The following DAB1 variants were observed in gnomAD, a reference collection of about 807,000 sequenced individuals.
DAB1 encodes disabled homolog 1.
Under a neutral mutation model 64.6 loss-of-function variants are expected in DAB1, and 15 were observed. The observed-to-expected ratio is 0.23, with a 90% CI of 0.16 to 0.36. The LOEUF is 0.36. Among genes scored for constraint, DAB1 ranks in the 10% least tolerant of loss-of-function variants. DAB1 has a pLI of 1.00. For missense variants in DAB1, 596 were observed against 706.7 expected (o/e 0.84, Z 1.78); for synonymous variants, 235 against 251.9 (o/e 0.93, Z 0.64).
intron 3 of DAB1, among the ~76,000 whole-genome samples, chr1:58,365,966 G>A (rs559029295): frequency 3.3e-5 from 5 of 152,224 alleles, no homozygotes; most frequent in African/African-American, 4.8e-5. Context: ...AGCGGGCAAC[G>A]AGAACCCCAT....
intron 1 of DAB1, among the ~76,000 whole-genome samples, chr1:57,421,918 G>A (rs1684934366): frequency 1.7e-5 from 1 of 59,060 alleles, no homozygotes; most frequent in African/African-American, 7.2e-5. Flanking sequence ...GGGGGGTGGC[G>A]GGGGGGGGTG....
intron 3 of DAB1, among the ~76,000 whole-genome samples, chr1:58,456,989 C>T (rs1401361001): frequency 6.6e-6 from 1 of 152,160 alleles, no homozygotes; most frequent in African/African-American, 2.4e-5. Flanking sequence ...TAAGAAACCG[C>T]TCAGAAGGAG....
At chr1:58,441,209 A>C (rs1645004271) in intron 3 of DAB1, among the ~76,000 whole-genome samples, 1 of 152,206 alleles carries the variant, frequency 6.6e-6, no homozygotes. Flanking sequence ...CAAGTACTGA[A>C]GGGATCTGAA....
chr1:58,334,127 A>G (rs112840633), intron 4 of DAB1, among the ~76,000 whole-genome samples: 2,074 of 152,240 alleles, frequency 0.014, 57 homozygotes, highest in African/African-American at 0.048. Context: ...CATGTGACAT[A>G]TCTTGACCAA....
chr1:58,207,729 A>G (rs932503123), intron 4 of DAB1, among the ~76,000 whole-genome samples: 6 of 152,220 alleles, frequency 3.9e-5, no homozygotes, highest in Non-Finnish European at 8.8e-5. Context: ...GTGTTTTGAT[A>G]TAGGTAGTCA....
intron 4 of DAB1, among the ~76,000 whole-genome samples, chr1:58,285,036 C>G (rs1253861004): frequency 6.6e-6 from 1 of 152,130 alleles, no homozygotes; most frequent in Non-Finnish European, 1.5e-5. Context: ...CATAACAAAC[C>G]ATGTGAAACA....
rs78094085 is a variant in DAB1 at position 57,264,116 on chromosome 1, C to T, written c.67+26848G>A. Among the ~76,000 whole-genome samples, 161 of 152,324 alleles carry T rather than the reference C, an allele frequency of 1.1e-3. 1 individual carries two copies. Among genetic ancestry groups the T allele is most frequent in the African/African-American group, 3.8e-3 (157 of 41,570 alleles). ...TAATCCATTTATTAATATGTCTCCTCAACCCAGCTTCCCAAACTGTGAACT... is the reference window on the plus strand; with the variant it reads ...TAATCCATTTATTAATATGTCTCCTTAACCCAGCTTCCCAAACTGTGAACT... On this transcript the variant is annotated intron_variant, in intron 2 of 14. Transcript: ENST00000371236.
intron 1 of DAB1, among the ~76,000 whole-genome samples, chr1:57,850,077 A>G (rs544340807): frequency 6.6e-6 from 1 of 152,222 alleles, no homozygotes; most frequent in East Asian, 1.9e-4. Flanking sequence ...ATGGGAGGGG[A>G]GGAAGTGGAG....
chr1:58,427,932 C>T (rs1401849083), intron 3 of DAB1, among the ~76,000 whole-genome samples: 1 of 152,146 alleles, frequency 6.6e-6, no homozygotes, highest in Non-Finnish European at 1.5e-5. Context: ...TAGACATACA[C>T]ATAATACATT....
chr1:57,320,356 C>G (rs1022959258), intron 1 of DAB1, among the ~76,000 whole-genome samples: 3 of 152,322 alleles, frequency 2.0e-5, no homozygotes, highest in Admixed American at 2.0e-4. Flanking sequence ...CTAACAGACA[C>G]TGGCAACCAG....
intron 4 of DAB1, among the ~76,000 whole-genome samples, chr1:58,249,746 C>A (rs573089156): frequency 9.9e-5 from 15 of 152,080 alleles, no homozygotes; most frequent in Admixed American, 9.8e-4. Flanking sequence ...CGCGTCAACT[C>A]GGCCTCGACT....
chr1:57,544,199 C>T (rs1358035917), intron 7 of DAB1, among the ~76,000 whole-genome samples: 1 of 152,172 alleles, frequency 6.6e-6, no homozygotes, highest in African/African-American at 2.4e-5. Flanking sequence ...TTATGTCTGA[C>T]ATAAACACTC....
chr1:58,011,425 T>C (rs1040429518), intron 5 of DAB1, among the ~76,000 whole-genome samples: 2 of 152,158 alleles, frequency 1.3e-5, no homozygotes, highest in Admixed American at 1.3e-4. Flanking sequence ...GTCTTTGAGG[T>C]AGCCATATTA....
chr1:58,381,415 G>A (rs1304993951), intron 3 of DAB1, among the ~76,000 whole-genome samples: 1 of 152,184 alleles, frequency 6.6e-6, no homozygotes. Context: ...GTCTTACAGA[G>A]TTTTGAACAG....
At chr1:58,450,530 G>A (rs1321438860) in intron 3 of DAB1, among the ~76,000 whole-genome samples, 4 of 152,118 alleles carry the variant, frequency 2.6e-5, no homozygotes, top group Admixed American at 6.5e-5. Context: ...CGAGGCGGGC[G>A]GATCACAAGG....
At chr1:57,967,078 T>G (rs1212371674) in intron 5 of DAB1, among the ~76,000 whole-genome samples, 2 of 152,148 alleles carry the variant, frequency 1.3e-5, no homozygotes. Flanking sequence ...CACACAAGAA[T>G]GTCAAGAGCT....
intron 4 of DAB1, among the ~76,000 whole-genome samples, chr1:58,164,125 G>A (rs1655690179): frequency 6.6e-6 from 1 of 150,566 alleles, no homozygotes; most frequent in Non-Finnish European, 1.5e-5. Flanking sequence ...ACTGTGTGGG[G>A]AGGGTAATGA....
intron 4 of DAB1, among the ~76,000 whole-genome samples, chr1:58,162,690 A>C (rs1309062500): frequency 2.0e-5 from 3 of 152,190 alleles, no homozygotes; most frequent in Non-Finnish European, 2.9e-5. Flanking sequence ...ATGAATATGG[A>C]TGTAAGTCAT....
At chr1:58,082,903 G>A (rs1423176324) in intron 5 of DAB1, among the ~76,000 whole-genome samples, 4 of 152,164 alleles carry the variant, frequency 2.6e-5, no homozygotes, top group African/African-American at 7.2e-5. Flanking sequence ...TCTGTAGACT[G>A]TGGGGAGACT....
Sources: allele counts gnomAD v4.1 joint callset (sites outside exome capture counted in the v4.1 genomes callset), GRCh38; gene constraint gnomAD v4.1.1; transcripts MANE v1.5; gene names NCBI Gene and HGNC (gene_info 2026-07-23, HGNC 2026-07-21).